MAD1L1: variants seen among roughly 807,000 people sequenced by gnomAD.
The protein encoded by MAD1L1 is mitotic spindle assembly checkpoint protein MAD1.
MAD1L1 carries 95 observed loss-of-function variants against 96.9 expected under a neutral mutation model. That is an observed-to-expected ratio of 0.98 (90% CI 0.83 to 1.16). The LOEUF (loss-of-function observed/expected upper bound fraction) is 1.16. Ranked by LOEUF, MAD1L1 falls within the 50% of genes most tolerant of loss-of-function variation. MAD1L1 has a pLI of 0.00. For missense variants in MAD1L1, 1,007 were observed against 954.4 expected (o/e 1.06, Z -0.73); for synonymous variants, 473 against 396.6 (o/e 1.19, Z -2.29).
At chr7:2,044,235 C>T (rs907352665) in intron 12 of MAD1L1, among the ~76,000 whole-genome samples, 1 of 152,242 alleles carries the variant, frequency 6.6e-6, no homozygotes, top group African/African-American at 2.4e-5. Context: ...GTTCAGTCCG[C>T]CAACAACACT....
Position 1,979,053 on chromosome 7 carries a change from A to G in MAD1L1, c.1505+1400T>C, listed in dbSNP as rs528205780. Among the ~76,000 whole-genome samples the G allele has an allele frequency of 3.9e-5, 6 of 152,342 alleles. No individual in the cohort carries two copies. The South Asian group carries it at 1.0e-3, about 26-fold the overall frequency. On this transcript the variant is annotated intron_variant, in intron 15 of 18. Coordinates refer to ENST00000265854, the MANE Select transcript of MAD1L1 (RefSeq NM_001013836.2). ...AGAGCACTTCCTGGGCCGGGGCCACACTAAAGGCAGCCCTTTTCCTGCTTT... is the reference window on the plus strand; with the variant it reads ...AGAGCACTTCCTGGGCCGGGGCCACGCTAAAGGCAGCCCTTTTCCTGCTTT...
At chr7:1,972,507 C>G (rs1022444068) in intron 15 of MAD1L1, among the ~76,000 whole-genome samples, 32 of 152,122 alleles carry the variant, frequency 2.1e-4, no homozygotes, top group Non-Finnish European at 1.2e-4. Context: ...GCTACAGGGC[C>G]TGTAGTGATG....
chr7:2,094,014 C>T (rs1022511613), intron 11 of MAD1L1, among the ~76,000 whole-genome samples: 4 of 152,186 alleles, frequency 2.6e-5, no homozygotes, highest in African/African-American at 7.2e-5. Context: ...GCCACGCGGG[C>T]GCAGACGGTC....
rs550979186 is a variant in MAD1L1 at position 1,978,294 on chromosome 7, G to A, written c.1505+2159C>T. Reference sequence around the variant, plus strand: ...CCCCCTCTCCGAGGCCTCCAGGCCCGCTGCTCTGTGTGGCAAGGGTCTTTC... The same window carrying A: ...CCCCCTCTCCGAGGCCTCCAGGCCCACTGCTCTGTGTGGCAAGGGTCTTTC... On this transcript the variant is annotated intron_variant, in intron 15 of 18. Coordinates refer to ENST00000265854, the MANE Select transcript of MAD1L1 (RefSeq NM_001013836.2). Among the ~76,000 whole-genome samples the A allele has an allele frequency of 3.5e-4, 54 of 152,320 alleles. 1 individual carries two copies. Among genetic ancestry groups the A allele is most frequent in the South Asian group, 8.3e-4 (4 of 4,834 alleles).
intron 18 of MAD1L1, among the ~76,000 whole-genome samples, chr7:1,840,229 G>A (rs1345715334): frequency 2.0e-5 from 3 of 152,208 alleles, no homozygotes; most frequent in East Asian, 1.9e-4. Flanking sequence ...CGGTGAGCGT[G>A]AGCAAGTGAG....
At chr7:1,999,976 T>C (rs1051127170) in intron 14 of MAD1L1, among the ~76,000 whole-genome samples, 2 of 152,176 alleles carry the variant, frequency 1.3e-5, no homozygotes, top group Non-Finnish European at 1.5e-5. Flanking sequence ...GATGCTGGAA[T>C]GCCCCAAAGA....
At chr7:2,213,944 C>G (rs1380477510) in intron 9 of MAD1L1, among the ~76,000 whole-genome samples, 2 of 152,260 alleles carry the variant, frequency 1.3e-5, no homozygotes, top group Non-Finnish European at 2.9e-5. Context: ...TTCACCTCCA[C>G]CCAGTGCCAA....
At chr7:2,022,935 G>T (rs886691164) in intron 12 of MAD1L1, among the ~76,000 whole-genome samples, 1 of 152,180 alleles carries the variant, frequency 6.6e-6, no homozygotes, top group African/African-American at 2.4e-5. Context: ...AAACGATCAG[G>T]AATGAAAAAT....
intron 18 of MAD1L1, among the ~76,000 whole-genome samples, chr7:1,873,068 G>A (rs900749012): frequency 1.3e-5 from 2 of 152,286 alleles, no homozygotes; most frequent in African/African-American, 4.8e-5. Flanking sequence ...GAGTCACACA[G>A]GGAAGGGCTG....
intron 12 of MAD1L1, among the ~76,000 whole-genome samples, chr7:2,046,988 A>G (rs1783952803): frequency 6.6e-6 from 1 of 152,214 alleles, no homozygotes; most frequent in South Asian, 2.1e-4. Context: ...CTGGAGGATC[A>G]GTAATGAATG....
At chr7:2,196,756 A>C (rs1268997398) in intron 10 of MAD1L1, among the ~76,000 whole-genome samples, 1 of 152,214 alleles carries the variant, frequency 6.6e-6, no homozygotes, top group Non-Finnish European at 1.5e-5. Context: ...CCCTCTTCAG[A>C]AGTCAGAAGG....
intron 17 of MAD1L1, among the ~76,000 whole-genome samples, chr7:1,905,479 T>G (rs539460734): frequency 6.2e-4 from 93 of 150,552 alleles, no homozygotes; most frequent in African/African-American, 2.1e-3. Flanking sequence ...GAAGACGCTC[T>G]TGCGGAACTC....
intron 11 of MAD1L1, among the ~76,000 whole-genome samples, chr7:2,118,161 A>G (rs1787804322): frequency 6.6e-6 from 1 of 152,152 alleles, no homozygotes; most frequent in Non-Finnish European, 1.5e-5. Context: ...ACTCCTGACC[A>G]CAATGCCGGA....
chr7:2,190,761 A>G (rs1272519670), intron 10 of MAD1L1, among the ~76,000 whole-genome samples: 2 of 152,200 alleles, frequency 1.3e-5, no homozygotes, highest in East Asian at 3.8e-4. Context: ...AATACCGCAC[A>G]CACCCACCAG....
chr7:1,952,029 T>G (rs529504136), intron 16 of MAD1L1, among the ~76,000 whole-genome samples: 2 of 152,286 alleles, frequency 1.3e-5, no homozygotes, highest in South Asian at 2.1e-4. Flanking sequence ...CAAGCCCCCA[T>G]CGGTGACATT....
intron 11 of MAD1L1, among the ~76,000 whole-genome samples, chr7:2,122,983 C>T (rs1448652656): frequency 6.6e-6 from 1 of 152,198 alleles, no homozygotes; most frequent in Admixed American, 6.5e-5. Flanking sequence ...ACCTCACCTG[C>T]CTCCCTTCTG....
intron 18 of MAD1L1, among the ~76,000 whole-genome samples, chr7:1,895,924 G>A (rs1427494838): frequency 2.6e-5 from 4 of 152,268 alleles, no homozygotes; most frequent in African/African-American, 7.2e-5. Flanking sequence ...GTGAGGGGGC[G>A]GCCTGGGGAG....
chr7:2,191,296 C>A (rs143569179), intron 10 of MAD1L1, among the ~76,000 whole-genome samples: 26 of 152,284 alleles, frequency 1.7e-4, no homozygotes, highest in African/African-American at 6.0e-4. Flanking sequence ...TCGCAACAGG[C>A]AGCATGAGTC....
At chr7:2,226,901 C>T (rs1486169769) in intron 3 of MAD1L1, among the ~76,000 whole-genome samples, 2 of 151,690 alleles carry the variant, frequency 1.3e-5, no homozygotes, top group Admixed American at 6.6e-5. Flanking sequence ...GCAGGAGAAT[C>T]GCTTGAACCC....
Sources: allele counts gnomAD v4.1 joint callset (sites outside exome capture counted in the v4.1 genomes callset), GRCh38; gene constraint gnomAD v4.1.1; transcripts MANE v1.5; gene names NCBI Gene and HGNC (gene_info 2026-07-23, HGNC 2026-07-21).